GALNTL6: variants seen among roughly 807,000 people sequenced by gnomAD.
GALNTL6 encodes the protein polypeptide N-acetylgalactosaminyltransferase like 6.
GALNTL6 carries 46 observed loss-of-function variants against 73.7 expected under a neutral mutation model. The observed-to-expected ratio is 0.62, with a 90% CI of 0.49 to 0.80. The LOEUF is 0.80. GALNTL6 is among the 30% of genes least tolerant of loss of function. The pLI is 0.00. For synonymous variants in GALNTL6, 259 were observed against 263.7 expected (o/e 0.98, Z 0.17); for missense variants, 604 against 755.0 (o/e 0.80, Z 2.34).
intron 5 of GALNTL6, among the ~76,000 whole-genome samples, chr4:172,578,839 A>G (rs1373872802): frequency 6.6e-6 from 1 of 152,236 alleles, no homozygotes; most frequent in African/African-American, 2.4e-5. Flanking sequence ...TGACAAAGAA[A>G]TTCAAATCTG....
chr4:171,968,890 G>T (rs1451899462), intron 2 of GALNTL6, among the ~76,000 whole-genome samples: 1 of 151,834 alleles, frequency 6.6e-6, no homozygotes, highest in Non-Finnish European at 1.5e-5. Flanking sequence ...AGGCTGGAGT[G>T]CAATAGTGTG....
intron 5 of GALNTL6, among the ~76,000 whole-genome samples, chr4:172,366,599 TG>T (rs1318515052): frequency 6.6e-6 from 1 of 152,032 alleles, no homozygotes; most frequent in Non-Finnish European, 1.5e-5. Flanking sequence ...AAGATCAACG[TG>T]GGAAAAAATA....
chr4:171,854,100 G>C (rs1460590908), intron 2 of GALNTL6, among the ~76,000 whole-genome samples: 1 of 152,086 alleles, frequency 6.6e-6, no homozygotes, highest in Non-Finnish European at 1.5e-5. Flanking sequence ...ATATACTCTT[G>C]CTGGGTTCCC....
chr4:172,623,112 G>A (rs1739028655), intron 5 of GALNTL6, among the ~76,000 whole-genome samples: 1 of 152,050 alleles, frequency 6.6e-6, no homozygotes, highest in African/African-American at 2.4e-5. Flanking sequence ...GGAGAGGCAA[G>A]AAGGATAAAG....
chr4:172,726,422 G>C (rs947569628), intron 5 of GALNTL6, among the ~76,000 whole-genome samples: 1 of 152,112 alleles, frequency 6.6e-6, no homozygotes, highest in African/African-American at 2.4e-5. Context: ...ACATTCCTTT[G>C]TACTTGCACC....
chr4:171,834,222 A>G (rs1735045523), intron 2 of GALNTL6, among the ~76,000 whole-genome samples: 1 of 151,946 alleles, frequency 6.6e-6, no homozygotes, highest in African/African-American at 2.4e-5. Flanking sequence ...ATTTGCTCTC[A>G]CGGAATTGAT....
At chr4:173,028,598 T>A (rs1753329355) in intron 12 of GALNTL6, among the ~76,000 whole-genome samples, 1 of 152,196 alleles carries the variant, frequency 6.6e-6, no homozygotes, top group South Asian at 2.1e-4. Context: ...AATGTCTATA[T>A]GGCCTGCCTA....
chr4:172,846,794 T>C (rs1347147930), intron 7 of GALNTL6, among the ~76,000 whole-genome samples: 2 of 152,184 alleles, frequency 1.3e-5, no homozygotes, highest in East Asian at 3.8e-4. Flanking sequence ...AACAGGAAAG[T>C]TTAAATCTTA....
At chr4:171,897,558 C>G (rs1413130499) in intron 2 of GALNTL6, among the ~76,000 whole-genome samples, 1 of 152,114 alleles carries the variant, frequency 6.6e-6, no homozygotes, top group African/African-American at 2.4e-5. Context: ...CGCTGTGGCT[C>G]GCGCCTGCAA....
chr4:171,995,060 T>A (rs1740447344), intron 2 of GALNTL6, among the ~76,000 whole-genome samples: 1 of 151,876 alleles, frequency 6.6e-6, no homozygotes. Flanking sequence ...TCTTATAAAA[T>A]TCATAAAATT....
chr4:172,265,942 A>G (rs1275813109), intron 3 of GALNTL6, among the ~76,000 whole-genome samples: 1 of 152,094 alleles, frequency 6.6e-6, no homozygotes. Flanking sequence ...ATTCTTGCAT[A>G]TTATTCTCCA....
At chr4:172,095,842 A>AT (rs1162202497) in intron 2 of GALNTL6, among the ~76,000 whole-genome samples, 1 of 151,950 alleles carries the variant, frequency 6.6e-6, no homozygotes, top group African/African-American at 2.4e-5. Context: ...ACCTAGAATT[A>AT]TTTTTTACTT....
chr4:172,472,829 G>A (rs530518972), intron 5 of GALNTL6, among the ~76,000 whole-genome samples: 9 of 152,242 alleles, frequency 5.9e-5, no homozygotes, highest in Non-Finnish European at 1.0e-4. Context: ...AGCATGCCAT[G>A]TCATGCACTC....
At chr4:172,262,291 A>T (rs1738284020) in intron 3 of GALNTL6, among the ~76,000 whole-genome samples, 1 of 151,536 alleles carries the variant, frequency 6.6e-6, no homozygotes, top group African/African-American at 2.4e-5. Flanking sequence ...TAATTGTTTT[A>T]TAAATTTGGG....
intron 5 of GALNTL6, among the ~76,000 whole-genome samples, chr4:172,778,509 A>T (rs11132964): frequency 0.53 from 80,415 of 151,772 alleles, 21,917 homozygotes; most frequent in East Asian, 0.78. Flanking sequence ...GACTTAATGA[A>T]GAAATGGAGC....
At chr4:172,150,637 T>C (rs1734056781) in intron 2 of GALNTL6, among the ~76,000 whole-genome samples, 1 of 152,134 alleles carries the variant, frequency 6.6e-6, no homozygotes, top group Non-Finnish European at 1.5e-5. Context: ...TTCAAGGAAT[T>C]AAAATAATAG....
At chr4:172,894,399 T>C (rs2111222357) in intron 8 of GALNTL6, among the ~76,000 whole-genome samples, 1 of 152,294 alleles carries the variant, frequency 6.6e-6, no homozygotes, top group Middle Eastern at 3.4e-3. Flanking sequence ...GTGTTGTGTT[T>C]CCAATTTTGT....
At chr4:172,656,933 T>A (rs1731059668) in intron 5 of GALNTL6, among the ~76,000 whole-genome samples, 2 of 152,008 alleles carry the variant, frequency 1.3e-5, no homozygotes, top group African/African-American at 4.8e-5. Context: ...ACATTATTTT[T>A]TTTTTCTTTC....
intron 2 of GALNTL6, among the ~76,000 whole-genome samples, chr4:172,001,590 C>T (rs1740673504): frequency 6.6e-6 from 1 of 152,054 alleles, no homozygotes; most frequent in South Asian, 2.1e-4. Context: ...GATTATTTCC[C>T]TAGAGGATAC....
Sources: gnomAD v4.1 joint callset for allele counts (sites outside exome capture counted in the v4.1 genomes callset) on GRCh38, gnomAD v4.1.1 for gene constraint, MANE v1.5 for transcripts, NCBI Gene and HGNC (gene_info 2026-07-23, HGNC 2026-07-21) for gene names.